The following ZNF660 variants were observed in gnomAD, a reference collection of about 807,000 sequenced individuals.
ZNF660 encodes zinc finger protein 660.
In ZNF660, 24 loss-of-function variants were observed where a neutral mutation model predicts 23.2. The ratio of observed to expected loss-of-function variants is 1.04; its 90% CI spans 0.75 to 1.46. The LOEUF is 1.46. ZNF660 is among the 40% of genes most tolerant of loss of function. The pLI is 0.00. For missense variants in ZNF660, 373 were observed against 396.8 expected, an observed-to-expected ratio of 0.94 and a Z score of 0.51; for synonymous variants, 117 against 131.4, an observed-to-expected ratio of 0.89 and a Z score of 0.75.
chr3:44,590,556 G>A (rs1361575123), intron 2 of ZNF660, among the ~76,000 whole-genome samples: 2 of 152,172 alleles, frequency 1.3e-5, no homozygotes, highest in Admixed American at 1.3e-4. Context: ...GGGGGTTAGA[G>A]CTTTAACATA....
chr3:44,593,137 C>T (rs10212298), intron 2 of ZNF660, among the ~76,000 whole-genome samples: 45,159 of 151,816 alleles, frequency 0.3, 7,264 homozygotes, highest in African/African-American at 0.35. Context: ...ATTGAAAGAA[C>T]TGTGTCACCA....
intron 1 of ZNF660, among the ~76,000 whole-genome samples, chr3:44,585,389 G>A (rs1287288725): frequency 2.0e-5 from 3 of 152,178 alleles, no homozygotes; most frequent in Non-Finnish European, 4.4e-5. Context: ...AGGAACCTGG[G>A]GCCCAGAGAA....
chr3:44,595,300 A>ATTTTC lies in ZNF660; in HGVS notation c.*113_*114insTTCTT. ...ATCATACTCTACTTCTAAGAAAATA[A>ATTTTC]TTAGAAGTAGACAAAGATTAATGAA... On this transcript the variant is annotated 3_prime_UTR_variant, in exon 3 of 3. Coordinates refer to ENST00000322734, the MANE Select transcript of ZNF660 (RefSeq NM_173658.4). 6 of 1,236,164 alleles carry ATTTTC rather than the reference A, an allele frequency of 4.9e-6. No homozygotes were observed. The highest frequency in any genetic ancestry group is 6.6e-6 in the Non-Finnish European group (6 of 907,098). 76.6% of individuals were successfully genotyped at this position (1,236,164 alleles called of 1,614,324 possible).
chr3:44,587,842 T>C (rs1464625099), intron 2 of ZNF660, among the ~76,000 whole-genome samples: 1 of 151,924 alleles, frequency 6.6e-6, no homozygotes, highest in Non-Finnish European at 1.5e-5. Context: ...TCACCTGAGG[T>C]TGGGAGTTTG....
chr3:44,595,516 T>A lies in ZNF660; in HGVS notation c.*327T>A, dbSNP rs985433238. 4.0e-5 allele frequency: 8 copies of A among 201,698 alleles called. No individual in the cohort carries two copies. In the East Asian group the frequency reaches 5.3e-4, roughly 13 times the overall value. 12.5% of individuals were successfully genotyped at this position (201,698 alleles called of 1,614,324 possible). On this transcript the variant is annotated 3_prime_UTR_variant, in exon 3 of 3. Coordinates refer to ENST00000322734, the MANE Select transcript of ZNF660 (RefSeq NM_173658.4). ...AGATAATGACATACAATCCAAAATT[T>A]AAAAAAATATTTTTGCATAGGAAAA...
intron 1 of ZNF660, among the ~76,000 whole-genome samples, chr3:44,585,640 A>G (rs1041302785): frequency 6.6e-6 from 1 of 152,198 alleles, no homozygotes; most frequent in South Asian, 2.1e-4. Context: ...GGGTAAACAG[A>G]AAAAAGGAAC....
intron 1 of ZNF660, among the ~76,000 whole-genome samples, 154 bp downstream of exon 1, chr3:44,585,161 CG>C: frequency 6.6e-6 from 1 of 152,270 alleles, no homozygotes; most frequent in Non-Finnish European, 1.5e-5. Context: ...CCCTTTCTCT[CG>C]TTCAGTGCTG....
chr3:44,590,137 A>G (rs1700367208), intron 2 of ZNF660, among the ~76,000 whole-genome samples: 1 of 151,120 alleles, frequency 6.6e-6, no homozygotes, highest in Non-Finnish European at 1.5e-5. Context: ...TTGCTCTCTT[A>G]TTGTTTTTCC....
chr3:44,588,029 T>G (rs552740618), intron 2 of ZNF660, among the ~76,000 whole-genome samples: 1 of 152,208 alleles, frequency 6.6e-6, no homozygotes, highest in East Asian at 1.9e-4. Context: ...CACTCTAGCC[T>G]AGGCAACAAG....
In ZNF660 at chr3:44,595,160, A is replaced by C; in HGVS notation, c.967A>C (p.Lys323Gln). ...YSSQLIQHQR[K>Q]HNEEKETS ...TTCACAGCTTATTCAACACCAGAGG[A>C]AACATAATGAGGAGAAAGAAACCTC... is the stretch of plus-strand genomic sequence containing the variant. Residue 323 changes from lysine (K) to glutamine (Q), a missense_variant, in exon 3 of 3, where the codon AAA becomes CAA. By Grantham distance (53) the Lys-to-Gln change is moderately conservative (BLOSUM62 1). Transcript: ENST00000322734. The C allele has an allele frequency of 6.3e-7, 1 of 1,586,322 alleles. No homozygotes were observed. Among genetic ancestry groups the C allele is most frequent in the South Asian group, 1.1e-5 (1 of 87,080 alleles).
chr3:44,589,413 T>C (rs977909451), intron 2 of ZNF660, among the ~76,000 whole-genome samples: 3 of 152,188 alleles, frequency 2.0e-5, no homozygotes, highest in African/African-American at 7.2e-5. Flanking sequence ...TGACATCTCT[T>C]GGATTCTTTA....
At chr3:44,589,959 C>CTTTTTT (rs397876489) in intron 2 of ZNF660, among the ~76,000 whole-genome samples, 2 of 102,990 alleles carry the variant, frequency 1.9e-5, no homozygotes, top group Non-Finnish European at 1.9e-5. Context: ...AACCCTGTGC[C>CTTTTTT]TTTTTTTTTT....
At position 44,595,451 on chromosome 3, in the gene ZNF660, GAC is replaced by G. The variant is rs1221220860; in HGVS notation, c.*264_*265del. The G allele has an allele frequency of 3.3e-6, 1 of 306,052 alleles. No individual in the cohort carries two copies. The highest frequency in any genetic ancestry group is 2.2e-5 in the African/African-American group (1 of 46,002). The allele number at this position is 306,052 out of a possible 1,614,324, so 19.0% of individuals were successfully genotyped here. Reference sequence around the variant, plus strand: ...TGCAGCCATTGCAAACATTTTTAAAGACAATTTAATGCCATGGGGAAATGATT... The same window carrying G: ...TGCAGCCATTGCAAACATTTTTAAAGAATTTAATGCCATGGGGAAATGATT... On this transcript the variant is annotated 3_prime_UTR_variant, in exon 3 of 3. Coordinates refer to ENST00000322734, the MANE Select transcript of ZNF660 (RefSeq NM_173658.4).
rs767730243 is a variant in ZNF660, at chr3:44,595,072, G to A, written c.879G>A (p.Leu293=). The A allele has an allele frequency of 1.9e-6, 3 of 1,613,672 alleles. No homozygotes were observed. Among genetic ancestry groups the A allele is most frequent in the African/African-American group, 2.7e-5 (2 of 74,832 alleles). Residue 293 remains leucine (L), a synonymous_variant, in exon 3 of 3, where the codon TTG becomes TTA. Transcript: ENST00000322734. ...AGACTTCTCAAGTTATTCTACACTT[G>A]AGAACCCACACTAAGGAGAAACCCT... ...FRQTSQVILH[L]RTHTKEKPYK...
rs543351349 is a variant in ZNF660 at position 44,589,125 on chromosome 3, G to C, written c.-181+2912G>C. 3.3e-5 allele frequency among the ~76,000 whole-genome samples: 5 copies of C among 152,226 alleles called. No homozygotes were observed. In the South Asian group the frequency reaches 1.0e-3, roughly 32 times the overall value. On this transcript the variant is annotated intron_variant, in intron 2 of 2. Coordinates refer to ENST00000322734, the MANE Select transcript of ZNF660 (RefSeq NM_173658.4). ...CAAACGTTTATTGGGTACCTACAAC[G>C]TGCCAGACCCTCCAGTGTTCACCTG...
Position 44,595,477 on chromosome 3 carries a change from T to C in ZNF660, c.*288T>C, listed in dbSNP as rs970058132. On this transcript the variant is annotated 3_prime_UTR_variant, in exon 3 of 3. Coordinates refer to ENST00000322734, the MANE Select transcript of ZNF660 (RefSeq NM_173658.4). ...ACAATTTAATGCCATGGGGAAATGA[T>C]TGGATAAGACGGAAGATAATGACAT... is the stretch of plus-strand genomic sequence containing the variant. The C allele has an allele frequency of 3.4e-5, 9 of 264,030 alleles. No individual in the cohort carries two copies. Among genetic ancestry groups the C allele is most frequent in the East Asian group, 7.5e-5 (1 of 13,248 alleles). 16.4% of individuals were successfully genotyped at this position (264,030 alleles called of 1,614,324 possible). A position where few individuals can be genotyped will look rare whatever the true frequency, so the allele number is the denominator to read the frequency against.
rs975388423 is a variant in ZNF660 at position 44,595,608 on chromosome 3, T to A, written c.*419T>A. On this transcript the variant is annotated 3_prime_UTR_variant, in exon 3 of 3. Transcript: ENST00000322734. Reference sequence around the variant, plus strand: ...CTGGGCGATAGGATTATAGGTGATTTCTATTTTCTTCTGTATACTTTTCTA... The same window carrying A: ...CTGGGCGATAGGATTATAGGTGATTACTATTTTCTTCTGTATACTTTTCTA... 3 of 170,370 alleles carry A rather than the reference T, an allele frequency of 1.8e-5. No individual in the cohort carries two copies. The highest frequency in any genetic ancestry group is 4.3e-5 in the Non-Finnish European group (3 of 70,280). The allele number at this position is 170,370 out of a possible 1,614,324, so 10.6% of individuals were successfully genotyped here.
intron 2 of ZNF660, among the ~76,000 whole-genome samples, chr3:44,592,926 G>A (rs549563493): frequency 9.8e-4 from 149 of 152,216 alleles, no homozygotes; most frequent in African/African-American, 3.1e-3. Flanking sequence ...GGTGGCGGGC[G>A]CCTGTAGCCC....
chr3:44,596,832 A>G lies in ZNF660; in HGVS notation c.*1643A>G, dbSNP rs1445796281. The G allele has an allele frequency of 2.0e-5, 3 of 152,184 alleles. No individual in the cohort carries two copies. The highest frequency in any genetic ancestry group is 7.2e-5 in the African/African-American group (3 of 41,436). The allele number at this position is 152,184 out of a possible 1,614,324, so 9.4% of individuals were successfully genotyped here. A position where few individuals can be genotyped will look rare whatever the true frequency, so the allele number is the denominator to read the frequency against. On this transcript the variant is annotated 3_prime_UTR_variant, in exon 3 of 3. Coordinates refer to ENST00000322734, the MANE Select transcript of ZNF660 (RefSeq NM_173658.4). Reference sequence around the variant, plus strand: ...AGGTGTTGAGCAATCAATACAACAGATGTTTTCTATCTTCCTCTGCCTTTC... The same window carrying G: ...AGGTGTTGAGCAATCAATACAACAGGTGTTTTCTATCTTCCTCTGCCTTTC...
Sources: gnomAD v4.1 joint callset for allele counts (sites outside exome capture counted in the v4.1 genomes callset) on GRCh38, gnomAD v4.1.1 for gene constraint, MANE v1.5 for transcripts, NCBI Gene and HGNC (gene_info 2026-07-23, HGNC 2026-07-21) for gene names.